The following RYR3 variants were observed in gnomAD, a reference collection of about 807,000 sequenced individuals.
The protein encoded by RYR3 is brain ryanodine receptor-calcium release channel.
RYR3 carries 207 observed loss-of-function variants against 584.3 expected under a neutral mutation model. The observed-to-expected ratio is 0.35, with a 90% confidence interval of 0.32 to 0.40. RYR3 has a LOEUF of 0.40. Among genes scored for constraint, RYR3 ranks in the 10% least tolerant of loss-of-function variants. The pLI, the probability that RYR3 is intolerant of heterozygous loss-of-function variation, is 1.00. For missense variants in RYR3, 5,616 were observed against 6,089.2 expected, an observed-to-expected ratio of 0.92 and a Z score of 2.59; for synonymous variants, 2,416 against 2,248.5, an observed-to-expected ratio of 1.07 and a Z score of -2.11.
chr15:33,558,947 G>A (rs931828668), intron 10 of RYR3, among the ~76,000 whole-genome samples: 1 of 152,142 alleles, frequency 6.6e-6, no homozygotes, highest in African/African-American at 2.4e-5. Flanking sequence ...TCCATAGAAA[G>A]GGATGGGCTG....
At chr15:33,584,349 C>A (rs769326184) in intron 14 of RYR3, 46 bp from the exon 15 acceptor site, 1 of 1,048,936 alleles carries the variant, frequency 9.5e-7, no homozygotes, top group Non-Finnish European at 1.5e-6. Context: ...TCACGCCCAT[C>A]ATTATATCCT....
intron 102 of RYR3, among the ~76,000 whole-genome samples, chr15:33,862,329 C>G (rs1353974820): frequency 6.6e-6 from 1 of 152,132 alleles, no homozygotes; most frequent in Non-Finnish European, 1.5e-5. Flanking sequence ...CCGCCTCAGC[C>G]TCCTGAGTAG....
chr15:33,659,109 C>T (rs2062994594), intron 32 of RYR3, among the ~76,000 whole-genome samples: 1 of 152,184 alleles, frequency 6.6e-6, no homozygotes. Context: ...GAGAGTGCTG[C>T]TGATGTGCAG....
intron 27 of RYR3, among the ~76,000 whole-genome samples, chr15:33,639,255 A>G (rs761302890): frequency 6.6e-6 from 1 of 152,232 alleles, no homozygotes; most frequent in Non-Finnish European, 1.5e-5. Context: ...CTGTTTAATA[A>G]TAGAATTGTA....
intron 10 of RYR3, among the ~76,000 whole-genome samples, chr15:33,559,089 G>T (rs1003258885): frequency 1.4e-4 from 21 of 152,124 alleles, no homozygotes; most frequent in African/African-American, 5.1e-4. Context: ...GGGTCCAGAG[G>T]GTAAAGGAGG....
In RYR3 at chr15:33,821,669, A is replaced by C. The variant is rs1399515046; in HGVS notation, c.10995+67A>C. 2.7e-6 allele frequency: 4 copies of C among 1,483,192 alleles called. No homozygotes were observed. The East Asian group carries it at 9.0e-5, about 34-fold the overall frequency. The allele number at this position is 1,483,192 out of a possible 1,614,324, so 91.9% of individuals were successfully genotyped here. On this transcript the variant is annotated intron_variant, in intron 80 of 103. Transcript: ENST00000634891. ...TCCCATTTGACACCTGTCATGCTTCAGGGAAGAGGAGTTGACTGCTACAGA... is the reference window on the plus strand; with the variant it reads ...TCCCATTTGACACCTGTCATGCTTCCGGGAAGAGGAGTTGACTGCTACAGA...
At chr15:33,607,168 C>T (rs1006376710) in intron 18 of RYR3, among the ~76,000 whole-genome samples, 8 of 152,190 alleles carry the variant, frequency 5.3e-5, no homozygotes, top group Non-Finnish European at 1.0e-4. Flanking sequence ...AATATTTGTG[C>T]TTGTGTTATA....
rs199709045 is a variant in RYR3 at position 33,789,621 on chromosome 15, A to ATT, written c.9830+1166_9830+1167dup. ...TGTTATATGCATGTTACCAGGTTTT[A>ATT]TTTTATATATATATATATATATATA... On this transcript the variant is annotated intron_variant, in intron 67 of 103. Coordinates refer to ENST00000634891, the MANE Select transcript of RYR3 (RefSeq NM_001036.6). 4.0e-3 allele frequency among the ~76,000 whole-genome samples: 121 copies of ATT among 30,066 alleles called. 3 individuals carry two copies. The highest frequency in any genetic ancestry group is 0.011 in the South Asian group (4 of 374). The allele number at this position is 30,066 out of a possible 152,430, so 19.7% of individuals were successfully genotyped here.
chr15:33,584,895 C>T (rs1437651603), intron 15 of RYR3, among the ~76,000 whole-genome samples: 2 of 150,996 alleles, frequency 1.3e-5, no homozygotes, highest in Admixed American at 1.3e-4. Context: ...GGTCTAAAAG[C>T]GGGAGTGAAG....
intron 16 of RYR3, among the ~76,000 whole-genome samples, chr15:33,594,669 A>G (rs1400257966): frequency 1.3e-5 from 2 of 152,164 alleles, no homozygotes; most frequent in Admixed American, 6.5e-5. Context: ...GAAAACCTGC[A>G]TTTAAGTGCA....
intron 55 of RYR3, among the ~76,000 whole-genome samples, chr15:33,749,379 G>A (rs1043691640): frequency 6.6e-6 from 1 of 152,136 alleles, no homozygotes; most frequent in Non-Finnish European, 1.5e-5. Flanking sequence ...GTACACACTG[G>A]TGGCTGTGGC....
intron 64 of RYR3, among the ~76,000 whole-genome samples, chr15:33,775,540 G>C (rs1482922622): frequency 2.6e-5 from 4 of 152,134 alleles, no homozygotes; most frequent in Non-Finnish European, 4.4e-5. Flanking sequence ...TGAGAGGTTG[G>C]TGAAACTCAG....
intron 57 of RYR3, among the ~76,000 whole-genome samples, chr15:33,753,425 T>A (rs942700902): frequency 6.6e-6 from 1 of 152,164 alleles, no homozygotes; most frequent in African/African-American, 2.4e-5. Flanking sequence ...ATGTTTTATA[T>A]AGGATGGCAT....
At position 33,314,170 on chromosome 15, in the gene RYR3, T is replaced by A. The variant is rs1967753695; in HGVS notation, c.51+3074T>A. ...AGGCAGTCTAAAACTATATACCCTC[T>A]TCTGGCCTTCTGAAATCACTGACAG... On this transcript the variant is annotated intron_variant, in intron 1 of 103. Coordinates refer to ENST00000634891, the MANE Select transcript of RYR3 (RefSeq NM_001036.6). Among the ~76,000 whole-genome samples the A allele has an allele frequency of 3.3e-5, 5 of 152,314 alleles. No individual in the cohort carries two copies. The South Asian group carries it at 1.0e-3, about 32-fold the overall frequency.
At chr15:33,794,324 T>A (rs2075435686) in intron 67 of RYR3, among the ~76,000 whole-genome samples, 3 of 88,528 alleles carry the variant, frequency 3.4e-5, no homozygotes, top group East Asian at 4.2e-4. Flanking sequence ...TATATATATT[T>A]TTATATATGT....
chr15:33,583,932 A>G (rs2058714523), intron 14 of RYR3, among the ~76,000 whole-genome samples: 1 of 152,066 alleles, frequency 6.6e-6, no homozygotes, highest in African/African-American at 2.4e-5. Flanking sequence ...CATGCCTGTA[A>G]TCCCAGCTAC....
At chr15:33,563,098 A>G in intron 11 of RYR3, 88 bp downstream of exon 11, 1 of 1,050,674 alleles carries the variant, frequency 9.5e-7, no homozygotes, top group Non-Finnish European at 1.4e-6. Flanking sequence ...CCAGGTGGAC[A>G]TGATTGTGAT....
intron 30 of RYR3, 38 bp from the exon 31 acceptor site, chr15:33,649,034 C>T (rs2062282205): frequency 6.3e-7 from 1 of 1,577,668 alleles, no homozygotes; most frequent in Non-Finnish European, 8.7e-7. Context: ...TGGATGGGGG[C>T]TGGGGGCCAT....
chr15:33,849,188 CG>C (rs1234332407), intron 94 of RYR3: 1 of 152,120 alleles, frequency 6.6e-6, no homozygotes, highest in Non-Finnish European at 1.5e-5. Context: ...CTCGTCTTAA[CG>C]TAAGATTGAG....
Sources: allele counts gnomAD v4.1 joint callset (sites outside exome capture counted in the v4.1 genomes callset), GRCh38; gene constraint gnomAD v4.1.1; transcripts MANE v1.5; gene names NCBI Gene and HGNC (gene_info 2026-07-23, HGNC 2026-07-21).